NIBAN1: variants seen among roughly 807,000 people sequenced by gnomAD.
The protein encoded by NIBAN1 is niban apoptosis regulator 1.
NIBAN1 carries 81 observed loss-of-function variants against 75.1 expected under a neutral mutation model. The observed-to-expected ratio is 1.08, with a 90% confidence interval of 0.90 to 1.30. NIBAN1 has a LOEUF of 1.30. NIBAN1 is among the 50% of genes most tolerant of loss of function. The probability of loss-of-function intolerance (pLI) is 0.00; values close to 1 mark genes in which losing one functional copy is unlikely to be tolerated. For missense variants in NIBAN1, 1,133 were observed against 1,128.1 expected (o/e 1.00, Z -0.06); for synonymous variants, 436 against 424.8 (o/e 1.03, Z -0.32).
chr1:184,936,278 G>C (rs1397679595), intron 1 of NIBAN1, among the ~76,000 whole-genome samples: 1 of 152,146 alleles, frequency 6.6e-6, no homozygotes, highest in Non-Finnish European at 1.5e-5. Context: ...CAGATTCCGG[G>C]AGTGTAGTTT....
At chr1:184,827,709 C>T (rs746041257) in intron 6 of NIBAN1, among the ~76,000 whole-genome samples, 1 of 151,956 alleles carries the variant, frequency 6.6e-6, no homozygotes, top group Non-Finnish European at 1.5e-5. Flanking sequence ...GGGATCGCCC[C>T]TTGAAGGCCA....
intron 5 of NIBAN1, among the ~76,000 whole-genome samples, chr1:184,852,013 G>A (rs1217874711): frequency 1.3e-5 from 2 of 152,076 alleles, no homozygotes; most frequent in East Asian, 3.9e-4. Flanking sequence ...TCCAATCCAA[G>A]GTGTTTGTAA....
At chr1:184,823,097 C>G in intron 8 of NIBAN1, 70 bp downstream of exon 8, 1 of 1,526,202 alleles carries the variant, frequency 6.6e-7, no homozygotes. Flanking sequence ...ACCATGCATT[C>G]CTGCTATGTG....
At chr1:184,825,482 C>T (rs989333400) in intron 6 of NIBAN1, among the ~76,000 whole-genome samples, 2 of 151,854 alleles carry the variant, frequency 1.3e-5, no homozygotes, top group Non-Finnish European at 2.9e-5. Flanking sequence ...ATATTTGGAA[C>T]ATTTATGGGA....
chr1:184,893,634 G>A (rs1163191551), intron 3 of NIBAN1, among the ~76,000 whole-genome samples: 1 of 152,200 alleles, frequency 6.6e-6, no homozygotes, highest in African/African-American at 2.4e-5. Context: ...TGAGCCACCT[G>A]TCATGCACAG....
At position 184,816,530 on chromosome 1, in the gene NIBAN1, T is replaced by A. The variant is rs904015520; in HGVS notation, c.1173+2108A>T. Among the ~76,000 whole-genome samples the A allele has an allele frequency of 4.6e-5, 7 of 152,324 alleles. No individual in the cohort carries two copies. In the East Asian group the frequency reaches 1.4e-3, roughly 29 times the overall value. Reference sequence around the variant, plus strand: ...AAATTTTAAATGGGAGGCCATTATTTGGGACTAAGCTCATGCACTAGGCCC... The same window carrying A: ...AAATTTTAAATGGGAGGCCATTATTAGGGACTAAGCTCATGCACTAGGCCC... On this transcript the variant is annotated intron_variant, in intron 9 of 13. Transcript: ENST00000367511.
intron 1 of NIBAN1, among the ~76,000 whole-genome samples, chr1:184,901,115 A>T (rs563983713): frequency 6.6e-6 from 1 of 152,282 alleles, no homozygotes; most frequent in African/African-American, 2.4e-5. Context: ...TAATGTATGA[A>T]TACTCTCCAT....
intron 9 of NIBAN1, among the ~76,000 whole-genome samples, chr1:184,817,837 C>G (rs879602334): frequency 1.3e-5 from 2 of 152,320 alleles, no homozygotes; most frequent in Middle Eastern, 3.4e-3. Context: ...TAGTAGTATG[C>G]ACCTATAACA....
chr1:184,798,285 C>T (rs1653933364), intron 12 of NIBAN1, 95 bp from the exon 13 acceptor site: 1 of 712,612 alleles, frequency 1.4e-6, no homozygotes, highest in Non-Finnish European at 2.3e-6. Context: ...TCATGATTCT[C>T]TTCTTGGAGG....
At chr1:184,908,319 A>T (rs988340714) in intron 1 of NIBAN1, among the ~76,000 whole-genome samples, 2 of 152,238 alleles carry the variant, frequency 1.3e-5, no homozygotes. Flanking sequence ...CAGAGGCAAA[A>T]ATATTGTTTT....
chr1:184,852,342 T>C (rs607881), intron 5 of NIBAN1, among the ~76,000 whole-genome samples: 88,758 of 151,970 alleles, frequency 0.58, 26,363 homozygotes, highest in African/African-American at 0.68. Flanking sequence ...AAACTGGGCA[T>C]GGTCAGGGGA....
chr1:184,806,534 A>G (rs1654202769), intron 10 of NIBAN1, among the ~76,000 whole-genome samples: 1 of 152,140 alleles, frequency 6.6e-6, no homozygotes, highest in East Asian at 1.9e-4. Flanking sequence ...TAGTTCAGGT[A>G]TCTTATTCTC....
intron 1 of NIBAN1, among the ~76,000 whole-genome samples, chr1:184,944,156 G>A (rs1470091160): frequency 6.6e-6 from 1 of 152,202 alleles, no homozygotes; most frequent in Non-Finnish European, 1.5e-5. Context: ...GGAGGTAGAG[G>A]ATGGATGATG....
At chr1:184,970,904 A>G (rs1255316536) in intron 1 of NIBAN1, among the ~76,000 whole-genome samples, 1 of 152,182 alleles carries the variant, frequency 6.6e-6, no homozygotes, top group Non-Finnish European at 1.5e-5. Context: ...TATTGCATAA[A>G]CAGGAAAACA....
intron 5 of NIBAN1, among the ~76,000 whole-genome samples, chr1:184,861,970 T>C (rs1350548363): frequency 1.3e-5 from 2 of 152,182 alleles, no homozygotes; most frequent in African/African-American, 4.8e-5. Flanking sequence ...CAATGTCCTT[T>C]TATGTGAAAG....
intron 5 of NIBAN1, among the ~76,000 whole-genome samples, chr1:184,842,920 C>A (rs373710789): frequency 1.3e-5 from 2 of 151,840 alleles, no homozygotes; most frequent in African/African-American, 4.9e-5. Flanking sequence ...AAAAATGACA[C>A]AAAAGCAAAG....
intron 5 of NIBAN1, among the ~76,000 whole-genome samples, chr1:184,842,717 C>G (rs1387114659): frequency 2.3e-4 from 35 of 149,846 alleles, no homozygotes; most frequent in African/African-American, 8.1e-4. Flanking sequence ...TGTGCCTTTG[C>G]ACGATCGTGC....
chr1:184,951,931 G>C (rs920305953), intron 1 of NIBAN1, among the ~76,000 whole-genome samples: 2 of 152,004 alleles, frequency 1.3e-5, no homozygotes, highest in African/African-American at 2.4e-5. Flanking sequence ...CATCATCCTT[G>C]GTAATGATAC....
At chr1:184,812,416 C>G (rs1176018807) in intron 9 of NIBAN1, among the ~76,000 whole-genome samples, 1 of 152,182 alleles carries the variant, frequency 6.6e-6, no homozygotes, top group Non-Finnish European at 1.5e-5. Flanking sequence ...GTGCAGCAAG[C>G]TGGGTCACTA....
Sources: allele counts gnomAD v4.1 joint callset (sites outside exome capture counted in the v4.1 genomes callset), GRCh38; gene constraint gnomAD v4.1.1; transcripts MANE v1.5; gene names NCBI Gene and HGNC (gene_info 2026-07-23, HGNC 2026-07-21).